The following HECW2 variants were observed in gnomAD, a reference collection of about 807,000 sequenced individuals.
The protein encoded by HECW2 is E3 ubiquitin-protein ligase HECW2.
Under a neutral mutation model 175.2 loss-of-function variants are expected in HECW2, and 61 were observed. The observed-to-expected ratio is 0.35, with a 90% CI of 0.28 to 0.43. The LOEUF (loss-of-function observed/expected upper bound fraction) is 0.43. Among genes scored for constraint, HECW2 ranks in the 20% least tolerant of loss-of-function variants. The probability of loss-of-function intolerance (pLI) is 1.00; values close to 1 mark genes in which losing one functional copy is unlikely to be tolerated. For missense variants in HECW2, 1,524 were observed against 2,000.5 expected (o/e 0.76, Z 4.54); for synonymous variants, 671 against 731.0 (o/e 0.92, Z 1.32).
intron 1 of HECW2, among the ~76,000 whole-genome samples, chr2:196,460,089 T>G (rs1362364437): frequency 6.6e-6 from 1 of 152,106 alleles, no homozygotes; most frequent in Non-Finnish European, 1.5e-5. Context: ...ATGGCTACCC[T>G]GCAGGCTGCA....
intron 1 of HECW2, among the ~76,000 whole-genome samples, chr2:196,561,366 C>T (rs956980102): frequency 6.6e-6 from 1 of 152,204 alleles, no homozygotes; most frequent in African/African-American, 2.4e-5. Flanking sequence ...TTATCAATGA[C>T]AATGCGTGCA....
intron 1 of HECW2, among the ~76,000 whole-genome samples, chr2:196,553,837 A>G (rs1173193666): frequency 2.7e-5 from 4 of 148,660 alleles, no homozygotes; most frequent in African/African-American, 1.1e-4. Context: ...GTAATATCCA[A>G]TCAGTAATAT....
At chr2:196,310,374 T>C (rs1018774459) in intron 10 of HECW2, among the ~76,000 whole-genome samples, 1 of 152,212 alleles carries the variant, frequency 6.6e-6, no homozygotes, top group African/African-American at 2.4e-5. Flanking sequence ...TTCAAGTGAA[T>C]GCTTGGCTCT....
At chr2:196,324,810 C>G (rs1189250129) in intron 6 of HECW2, among the ~76,000 whole-genome samples, 170 bp downstream of exon 6, 1 of 152,106 alleles carries the variant, frequency 6.6e-6, no homozygotes. Context: ...TTGTCTTACC[C>G]TAGACCTGGC....
At chr2:196,402,333 G>A (rs1207513680) in intron 2 of HECW2, among the ~76,000 whole-genome samples, 1 of 151,796 alleles carries the variant, frequency 6.6e-6, no homozygotes, top group African/African-American at 2.4e-5. Context: ...AACAGACCTT[G>A]AGTTTCATTT....
rs1377028240 is a variant in HECW2 at position 196,540,469 on chromosome 2, C to CA, written c.-36+53038dup. 2.6e-5 allele frequency among the ~76,000 whole-genome samples: 4 copies of CA among 152,084 alleles called. No individual in the cohort carries two copies. In the East Asian group the frequency reaches 7.7e-4, roughly 29 times the overall value. Reference sequence around the variant, plus strand: ...ATTTTTATTTTTAGAGACAGGTTCTCACTCTGTCACCTAGGTTGGAGTGCA... The same window carrying CA: ...ATTTTTATTTTTAGAGACAGGTTCTCAACTCTGTCACCTAGGTTGGAGTGCA... On this transcript the variant is annotated intron_variant, in intron 1 of 28. Coordinates refer to ENST00000644978, the MANE Select transcript of HECW2 (RefSeq NM_001348768.2).
intron 2 of HECW2, among the ~76,000 whole-genome samples, chr2:196,381,614 G>T (rs1199308262): frequency 6.6e-6 from 1 of 152,072 alleles, no homozygotes; most frequent in Non-Finnish European, 1.5e-5. Context: ...GCAGACATTT[G>T]CCTCCTACCA....
chr2:196,417,914 G>GA (rs1334989002), intron 2 of HECW2, among the ~76,000 whole-genome samples: 2 of 151,424 alleles, frequency 1.3e-5, no homozygotes, highest in Non-Finnish European at 2.9e-5. Context: ...TACACTTAAA[G>GA]AAAAAAAACC....
chr2:196,202,710 A>T (rs987072372), intron 28 of HECW2, among the ~76,000 whole-genome samples: 2 of 152,202 alleles, frequency 1.3e-5, no homozygotes, highest in Non-Finnish European at 2.9e-5. Context: ...AGGGATAATA[A>T]AGCAGGTGTG....
rs112491032 is a variant in HECW2 at position 196,219,948 on chromosome 2, T to C, written c.4408+91A>G. The C allele has an allele frequency of 9.2e-3, 7,194 of 786,026 alleles. 62 individuals are homozygous for C. The highest frequency in any genetic ancestry group is 0.011 in the South Asian group (744 of 66,914). 48.7% of individuals were successfully genotyped at this position (786,026 alleles called of 1,614,324 possible). ...AGACCTATGATTAGAGTCCAAGTGC[T>C]GTTGCCTGTCCTATATTCAGTTGGC... On this transcript the variant is annotated intron_variant, in intron 26 of 28. Coordinates refer to ENST00000644978, the MANE Select transcript of HECW2 (RefSeq NM_001348768.2).
intron 21 of HECW2, among the ~76,000 whole-genome samples, chr2:196,236,678 T>C (rs1445236449): frequency 6.6e-6 from 1 of 152,200 alleles, no homozygotes; most frequent in Non-Finnish European, 1.5e-5. Context: ...ACTGGTAAGG[T>C]ATCTTGTACA....
intron 13 of HECW2, among the ~76,000 whole-genome samples, chr2:196,302,067 G>A (rs762836345): frequency 6.6e-5 from 10 of 152,124 alleles, no homozygotes; most frequent in Non-Finnish European, 1.2e-4. Flanking sequence ...TGTATATAAT[G>A]TAAGGAAAGG....
At chr2:196,491,369 TACACACACACACACACAC>T in intron 1 of HECW2, among the ~76,000 whole-genome samples, 1 of 130,668 alleles carries the variant, frequency 7.7e-6, no homozygotes, top group African/African-American at 3.0e-5. Context: ...CATATATATA[TACACACACACACACACAC>T]ACACACACAC....
At chr2:196,419,736 C>T (rs142571098) in intron 2 of HECW2, among the ~76,000 whole-genome samples, 2 of 152,262 alleles carry the variant, frequency 1.3e-5, no homozygotes, top group East Asian at 3.9e-4. Context: ...TGGCTACTCG[C>T]GTATCACAAT....
Position 196,483,131 on chromosome 2 carries a change from T to C in HECW2, c.-35-49673A>G, listed in dbSNP as rs78621485. 4.4e-3 allele frequency among the ~76,000 whole-genome samples: 650 copies of C among 149,316 alleles called. 13 individuals carry two copies. Among genetic ancestry groups the C allele is most frequent in the Admixed American group, 0.04 (598 of 15,040 alleles). ...AAAAAAAAAGCACCCTCATTTATCG[T>C]GTTTCCAACCCTGGTGGTAGCCTCC... On this transcript the variant is annotated intron_variant, in intron 1 of 28. Coordinates refer to ENST00000644978, the MANE Select transcript of HECW2 (RefSeq NM_001348768.2).
intron 1 of HECW2, among the ~76,000 whole-genome samples, chr2:196,458,752 G>A (rs930058195): frequency 2.1e-4 from 32 of 152,284 alleles, no homozygotes; most frequent in African/African-American, 6.7e-4. Context: ...TGTAGTTCCA[G>A]CTACTCAGCA....
At chr2:196,260,624 A>G (rs1052505409) in intron 17 of HECW2, 1 of 152,206 alleles carries the variant, frequency 6.6e-6, no homozygotes, top group African/African-American at 2.4e-5. Context: ...CCCGGTCTAA[A>G]CAGTTCTTTA....
chr2:196,283,002 T>G, intron 14 of HECW2, among the ~76,000 whole-genome samples: 1 of 152,026 alleles, frequency 6.6e-6, no homozygotes, highest in East Asian at 1.9e-4. Flanking sequence ...GGCTCACACC[T>G]GTAATCCCAG....
At chr2:196,566,988 T>C (rs1690212609) in intron 1 of HECW2, among the ~76,000 whole-genome samples, 1 of 152,186 alleles carries the variant, frequency 6.6e-6, no homozygotes, top group Non-Finnish European at 1.5e-5. Context: ...AACAGCATTT[T>C]AGCTGGGTAC....
Sources: gnomAD v4.1 joint callset for allele counts (sites outside exome capture counted in the v4.1 genomes callset) on GRCh38, gnomAD v4.1.1 for gene constraint, MANE v1.5 for transcripts, NCBI Gene and HGNC (gene_info 2026-07-23, HGNC 2026-07-21) for gene names.